SREK1IP1: variants seen among roughly 807,000 people sequenced by gnomAD.
SREK1IP1 encodes protein SREK1IP1.
Under a neutral mutation model 22.8 loss-of-function variants are expected in SREK1IP1, and 12 were observed. That is an observed-to-expected ratio of 0.53 (90% CI 0.34 to 0.85). SREK1IP1 has a LOEUF of 0.85. SREK1IP1 is among the 40% of genes least tolerant of loss of function. The pLI, the probability that SREK1IP1 is intolerant of heterozygous loss-of-function variation, is 0.02. For missense variants in SREK1IP1, 147 were observed against 171.8 expected, an observed-to-expected ratio of 0.86 and a Z score of 0.81; for synonymous variants, 53 against 52.7, an observed-to-expected ratio of 1.01 and a Z score of -0.02.
chr5:64,762,045 G>A (rs1423508821), intron 1 of SREK1IP1, among the ~76,000 whole-genome samples: 2 of 152,180 alleles, frequency 1.3e-5, no homozygotes, highest in Admixed American at 6.5e-5. Flanking sequence ...TGTCATATTC[G>A]ATTTAAATTT....
In SREK1IP1 at chr5:64,724,376, A is replaced by G; in HGVS notation, c.*8T>C. 6.6e-7 allele frequency: 1 copy of G among 1,521,034 alleles called. No individual in the cohort carries two copies. Among genetic ancestry groups the G allele is most frequent in the Non-Finnish European group, 8.8e-7 (1 of 1,140,410 alleles). The allele number at this position is 1,521,034 out of a possible 1,614,324, so 94.2% of individuals were successfully genotyped here. A position where few individuals can be genotyped will look rare whatever the true frequency, so the allele number is the denominator to read the frequency against. The stretch of plus-strand genomic sequence containing the variant: ...TTTTAAATTTAACGGCTTAAGCCAA[A>G]GTCTCAGTTACTTTCTGGAGAATTC... On this transcript the variant is annotated 3_prime_UTR_variant, in exon 5 of 5. Transcript: ENST00000513458.
rs372806451 is a variant in SREK1IP1 at position 64,761,313 on chromosome 5, C to T, written c.14-6951G>A. On this transcript the variant is annotated intron_variant, in intron 1 of 4. Transcript: ENST00000513458. ...TGGAGAGTTGCTAAGAGGTGCTCAA[C>T]AAATACTTATTGATTTGAGGTTATA... Among the ~76,000 whole-genome samples the T allele has an allele frequency of 2.6e-5, 4 of 152,122 alleles. No homozygotes were observed. The East Asian group carries it at 5.8e-4, about 22-fold the overall frequency.
At chr5:64,737,200 T>C (rs1225762764) in intron 3 of SREK1IP1, among the ~76,000 whole-genome samples, 3 of 151,982 alleles carry the variant, frequency 2.0e-5, no homozygotes, top group Non-Finnish European at 4.4e-5. Context: ...AAAATAAGTC[T>C]TCACAAATTT....
chr5:64,762,509 A>G (rs1191672596), intron 1 of SREK1IP1, among the ~76,000 whole-genome samples: 1 of 152,138 alleles, frequency 6.6e-6, no homozygotes, highest in East Asian at 1.9e-4. Context: ...GTTCTGCTTA[A>G]GTTGATGCAA....
At chr5:64,743,421 A>G (rs915825312) in intron 2 of SREK1IP1, among the ~76,000 whole-genome samples, 1 of 152,208 alleles carries the variant, frequency 6.6e-6, no homozygotes, top group Non-Finnish European at 1.5e-5. Flanking sequence ...AAATTGCCTA[A>G]TGACACACTT....
intron 2 of SREK1IP1, among the ~76,000 whole-genome samples, chr5:64,749,522 T>C (rs998501241): frequency 2.0e-5 from 3 of 152,014 alleles, no homozygotes; most frequent in Admixed American, 2.0e-4. Flanking sequence ...CTACAACCTC[T>C]GCATCCTGGG....
chr5:64,767,377 G>A (rs1210074923), intron 1 of SREK1IP1, among the ~76,000 whole-genome samples: 3 of 152,134 alleles, frequency 2.0e-5, no homozygotes, highest in Non-Finnish European at 4.4e-5. Context: ...TGTGTGAAGC[G>A]TAACCATGTC....
intron 2 of SREK1IP1, 78 bp downstream of exon 2, chr5:64,754,237 G>A: frequency 7.2e-7 from 1 of 1,386,354 alleles, no homozygotes; most frequent in Non-Finnish European, 1.0e-6. Flanking sequence ...TGAAATCAGG[G>A]TGCTACATTA....
rs1742180443 is a variant in SREK1IP1, at chr5:64,722,338, C to G, written c.*2046G>C. 1.3e-5 allele frequency: 2 copies of G among 152,154 alleles called. No individual in the cohort carries two copies. Among genetic ancestry groups the G allele is most frequent in the South Asian group, 4.1e-4 (2 of 4,834 alleles). 9.4% of individuals were successfully genotyped at this position (152,154 alleles called of 1,614,324 possible). A position where few individuals can be genotyped will look rare whatever the true frequency, so the allele number is the denominator to read the frequency against. Reference sequence around the variant, plus strand: ...AACCTAATGAGCCAATTTATAATCTCTACAATTAACAGTAATAAAACTTAC... The same window carrying G: ...AACCTAATGAGCCAATTTATAATCTGTACAATTAACAGTAATAAAACTTAC... On this transcript the variant is annotated 3_prime_UTR_variant, in exon 5 of 5. Coordinates refer to ENST00000513458, the MANE Select transcript of SREK1IP1 (RefSeq NM_173829.4).
At chr5:64,751,854 T>C (rs536675222) in intron 2 of SREK1IP1, among the ~76,000 whole-genome samples, 117 of 152,248 alleles carry the variant, frequency 7.7e-4, no homozygotes, top group African/African-American at 2.8e-3. Context: ...TAAACAGACA[T>C]ATAAACAGGC....
intron 4 of SREK1IP1, among the ~76,000 whole-genome samples, chr5:64,725,613 T>C (rs368993778): frequency 1.3e-5 from 2 of 152,288 alleles, no homozygotes; most frequent in East Asian, 3.9e-4. Flanking sequence ...CCCTTATTTT[T>C]GTAATGTTGT....
At chr5:64,766,772 C>A (rs1258716873) in intron 1 of SREK1IP1, among the ~76,000 whole-genome samples, 1 of 152,198 alleles carries the variant, frequency 6.6e-6, no homozygotes, top group Non-Finnish European at 1.5e-5. Context: ...AGGCAAATTA[C>A]TTGATTTCTT....
At chr5:64,730,333 GAATA>G (rs1369194508) in intron 3 of SREK1IP1, among the ~76,000 whole-genome samples, 1 of 152,082 alleles carries the variant, frequency 6.6e-6, no homozygotes, top group Non-Finnish European at 1.5e-5. Context: ...GAGAAAGTAA[GAATA>G]AATAACTTTG....
Position 64,736,012 on chromosome 5 carries a change from C to T in SREK1IP1, c.205+5045G>A, listed in dbSNP as rs138383432. Among the ~76,000 whole-genome samples the T allele has an allele frequency of 4.0e-4, 61 of 152,152 alleles. 2 individuals carry two copies. In the East Asian group the frequency reaches 0.011, roughly 28 times the overall value. On this transcript the variant is annotated intron_variant, in intron 3 of 4. Coordinates refer to ENST00000513458, the MANE Select transcript of SREK1IP1 (RefSeq NM_173829.4). ...CAGGTAATTAGTACTATAAGTTTGT[C>T]TCTAAGTACTTCTTTGGAGGCATAC...
chr5:64,745,856 T>A (rs896087747), intron 2 of SREK1IP1, among the ~76,000 whole-genome samples: 11 of 152,078 alleles, frequency 7.2e-5, no homozygotes, highest in African/African-American at 2.7e-4. Context: ...TAGTGAAGCC[T>A]AGGTAATAAC....
chr5:64,767,407 T>C (rs1217245065), intron 1 of SREK1IP1, among the ~76,000 whole-genome samples: 1 of 152,224 alleles, frequency 6.6e-6, no homozygotes, highest in Non-Finnish European at 1.5e-5. Flanking sequence ...CACCACTGTA[T>C]TTCCAATGCC....
At chr5:64,755,931 G>A (rs997282691) in intron 1 of SREK1IP1, among the ~76,000 whole-genome samples, 2 of 151,658 alleles carry the variant, frequency 1.3e-5, no homozygotes, top group African/African-American at 4.8e-5. Flanking sequence ...ATTTCTTATA[G>A]GAATTGGTGA....
At chr5:64,760,550 G>C (rs1035247663) in intron 1 of SREK1IP1, among the ~76,000 whole-genome samples, 2 of 152,190 alleles carry the variant, frequency 1.3e-5, no homozygotes, top group Non-Finnish European at 1.5e-5. Context: ...TAGGCCTGCA[G>C]CTGCAGAAAG....
At chr5:64,753,107 A>G (rs1742777786) in intron 2 of SREK1IP1, among the ~76,000 whole-genome samples, 1 of 152,200 alleles carries the variant, frequency 6.6e-6, no homozygotes, top group Admixed American at 6.5e-5. Flanking sequence ...TACATCAACA[A>G]ATATTTTATT....
Sources: gnomAD v4.1 joint callset for allele counts (sites outside exome capture counted in the v4.1 genomes callset) on GRCh38, gnomAD v4.1.1 for gene constraint, MANE v1.5 for transcripts, NCBI Gene and HGNC (gene_info 2026-07-23, HGNC 2026-07-21) for gene names.